The following RAD51C variants were observed in gnomAD, a reference collection of about 807,000 sequenced individuals.
The protein encoded by RAD51C is DNA repair protein RAD51 homolog 3.
A neutral mutation model predicts 45.0 loss-of-function variants in RAD51C; 42 were observed. The observed-to-expected ratio is 0.93, with a 90% CI of 0.73 to 1.21. The LOEUF (loss-of-function observed/expected upper bound fraction) is 1.21, where lower values mean the gene tolerates loss of function less well. RAD51C is among the 50% of genes most tolerant of loss of function. The pLI is 0.00. For missense variants in RAD51C, 474 were observed against 452.2 expected, an observed-to-expected ratio of 1.05 and a Z score of -0.44; for synonymous variants, 172 against 159.8, an observed-to-expected ratio of 1.08 and a Z score of -0.58.
Position 58,692,677 on chromosome 17 carries a change from C to T in RAD51C, c.34C>T (p.Arg12Trp), listed in dbSNP as rs28910276. 8.1e-6 allele frequency: 13 copies of T among 1,614,102 alleles called. 1 individual carries two copies. The African/African-American group carries it at 9.3e-5, about 12-fold the overall frequency. ...GAAGACGTTCCGCTTTGAAATGCAG[C>T]GGGATTTGGTGAGTTTCCCGCTGTC... ...RGKTFRFEMQ[R>W]DLVSFPLSPA... The change falls in exon 1 of 9, where the codon CGG becomes TGG. Residue 12 changes from arginine to tryptophan, a missense_variant. Transcript: ENST00000337432.
intron 6 of RAD51C, among the ~76,000 whole-genome samples, chr17:58,721,617 A>C (rs1452975392): frequency 6.7e-6 from 1 of 150,212 alleles, no homozygotes; most frequent in African/African-American, 2.5e-5. Flanking sequence ...AAATTAGATG[A>C]GCATGGTGGC....
At chr17:58,710,136 A>G (rs996245493) in intron 5 of RAD51C, 146 bp downstream of exon 5, 1 of 956,812 alleles carries the variant, frequency 1.0e-6, no homozygotes, top group East Asian at 2.7e-5. Context: ...GGTTTCCATT[A>G]AAAAATTCTG....
intron 1 of RAD51C, chr17:58,694,230 T>C (rs2047909383): frequency 6.6e-6 from 1 of 152,306 alleles, no homozygotes; most frequent in South Asian, 2.1e-4. Context: ...TTGTACCTTG[T>C]TTTAGGCAGT....
intron 5 of RAD51C, among the ~76,000 whole-genome samples, chr17:58,712,811 TC>T (rs375086769): frequency 7.0e-5 from 9 of 128,406 alleles, no homozygotes; most frequent in African/African-American, 2.7e-4. Context: ...AGAGCAAGAC[TC>T]CGTCTCAAAA....
chr17:58,698,992 G>T (rs967383835), intron 3 of RAD51C, among the ~76,000 whole-genome samples: 16 of 151,734 alleles, frequency 1.1e-4, no homozygotes, highest in Middle Eastern at 6.8e-3. Context: ...ATGGCTTATG[G>T]GTTGACTGTT....
intron 5 of RAD51C, among the ~76,000 whole-genome samples, chr17:58,712,457 T>G (rs1343935897): frequency 6.6e-6 from 1 of 152,148 alleles, no homozygotes; most frequent in East Asian, 1.9e-4. Context: ...ACTCAGAGAT[T>G]GTGTAAATAT....
At chr17:58,721,523 G>C (rs1346864497) in intron 6 of RAD51C, among the ~76,000 whole-genome samples, 1 of 152,094 alleles carries the variant, frequency 6.6e-6, no homozygotes, top group Non-Finnish European at 1.5e-5. Flanking sequence ...ACTTTGGGAG[G>C]CTGAGGCGGG....
chr17:58,705,154 A>C (rs967669326), intron 4 of RAD51C, among the ~76,000 whole-genome samples: 2 of 151,970 alleles, frequency 1.3e-5, no homozygotes, highest in South Asian at 2.1e-4. Context: ...AAATTAAATA[A>C]ATAAATACAA....
intron 7 of RAD51C, among the ~76,000 whole-genome samples, chr17:58,725,229 T>G (rs2049075267): frequency 6.6e-6 from 1 of 152,170 alleles, no homozygotes; most frequent in African/African-American, 2.4e-5. Context: ...ATTTTTTTTC[T>G]ATGATCACAA....
At chr17:58,723,594 A>G (rs1168242203) in intron 6 of RAD51C, among the ~76,000 whole-genome samples, 1 of 152,058 alleles carries the variant, frequency 6.6e-6, no homozygotes, top group Non-Finnish European at 1.5e-5. Flanking sequence ...TATATGACTG[A>G]CAACTTTTGC....
chr17:58,718,974 G>T (rs1316393955), intron 5 of RAD51C, among the ~76,000 whole-genome samples: 1 of 152,132 alleles, frequency 6.6e-6, no homozygotes, highest in Non-Finnish European at 1.5e-5. Flanking sequence ...TATAATCCCG[G>T]CCCTTTGGGA....
intron 7 of RAD51C, among the ~76,000 whole-genome samples, chr17:58,729,647 C>T (rs931973744): frequency 3.9e-5 from 6 of 152,086 alleles, no homozygotes; most frequent in African/African-American, 1.4e-4. Flanking sequence ...TATCGGCTCC[C>T]TGCAACCTCC....
At chr17:58,707,601 C>T (rs956629255) in intron 4 of RAD51C, among the ~76,000 whole-genome samples, 11 of 151,784 alleles carry the variant, frequency 7.2e-5, no homozygotes, top group African/African-American at 2.7e-4. Context: ...CCAGCCTTTG[C>T]TTATTACCCA....
At chr17:58,698,474 G>A (rs571531274) in intron 3 of RAD51C, among the ~76,000 whole-genome samples, 32 of 142,302 alleles carry the variant, frequency 2.2e-4, no homozygotes, top group Non-Finnish European at 4.4e-4. Context: ...ATGAGCCACC[G>A]CACCCGGCCA....
chr17:58,717,461 G>A lies in RAD51C; in HGVS notation c.838-3285G>A, dbSNP rs185833066. 1.2e-3 allele frequency among the ~76,000 whole-genome samples: 174 copies of A among 151,148 alleles called. 1 individual carries two copies. Among genetic ancestry groups the A allele is most frequent in the African/African-American group, 3.6e-3 (147 of 41,204 alleles). On this transcript the variant is annotated intron_variant, in intron 5 of 8. Coordinates refer to ENST00000337432, the MANE Select transcript of RAD51C (RefSeq NM_058216.3). Reference sequence around the variant, plus strand: ...CTATTCTTAAGAAAAGCTGCCGGCCGGGTGTGGTGGCTCATGCCTGTAATC... The same window carrying A: ...CTATTCTTAAGAAAAGCTGCCGGCCAGGTGTGGTGGCTCATGCCTGTAATC...
intron 3 of RAD51C, among the ~76,000 whole-genome samples, chr17:58,701,578 T>TC (rs1390987894): frequency 3.3e-5 from 5 of 151,252 alleles, no homozygotes; most frequent in Non-Finnish European, 5.9e-5. Context: ...ATCAAACTTT[T>TC]TTTTTTTTCT....
chr17:58,733,159 G>T (rs1262713862), intron 8 of RAD51C, among the ~76,000 whole-genome samples: 1 of 152,190 alleles, frequency 6.6e-6, no homozygotes, highest in East Asian at 1.9e-4. Context: ...GGGATTATAG[G>T]CGTGTGCTAC....
At chr17:58,710,844 C>G (rs1251104082) in intron 5 of RAD51C, among the ~76,000 whole-genome samples, 1 of 151,988 alleles carries the variant, frequency 6.6e-6, no homozygotes, top group Non-Finnish European at 1.5e-5. Flanking sequence ...GCCATTACTT[C>G]CCACCCTGAA....
chr17:58,707,378 G>A (rs1266971534), intron 4 of RAD51C, among the ~76,000 whole-genome samples: 3 of 152,094 alleles, frequency 2.0e-5, no homozygotes, highest in Non-Finnish European at 4.4e-5. Context: ...AAAATTAGCT[G>A]GGTGTGGTGG....
Sources: gnomAD v4.1 joint callset for allele counts (sites outside exome capture counted in the v4.1 genomes callset) on GRCh38, gnomAD v4.1.1 for gene constraint, MANE v1.5 for transcripts, NCBI Gene and HGNC (gene_info 2026-07-23, HGNC 2026-07-21) for gene names.